Variants in PDE4B observed in about 807,000 individuals in gnomAD.
The protein encoded by PDE4B is 3',5'-cyclic-AMP phosphodiesterase 4B.
Under a neutral mutation model 82.2 loss-of-function variants are expected in PDE4B, and 20 were observed. That is an observed-to-expected ratio of 0.24 (90% CI 0.17 to 0.35). PDE4B has a LOEUF of 0.35. PDE4B is among the 10% of genes least tolerant of loss of function. The probability of loss-of-function intolerance (pLI) is 1.00; values close to 1 mark genes in which losing one functional copy is unlikely to be tolerated. For missense variants in PDE4B, 655 were observed against 907.2 expected, an observed-to-expected ratio of 0.72 and a Z score of 3.57; for synonymous variants, 320 against 318.9, an observed-to-expected ratio of 1.00 and a Z score of -0.04.
intron 3 of PDE4B, among the ~76,000 whole-genome samples, chr1:66,175,809 A>G (rs1184355404): frequency 6.6e-6 from 1 of 152,236 alleles, no homozygotes; most frequent in East Asian, 1.9e-4. Context: ...TCAGTCTTGT[A>G]TGAATCATCA....
intron 2 of PDE4B, among the ~76,000 whole-genome samples, chr1:65,914,741 C>G (rs1647140050): frequency 6.6e-6 from 1 of 152,046 alleles, no homozygotes. Context: ...TCATTGCATC[C>G]TTAGAATAAT....
At chr1:66,325,380 T>C (rs1248664843) in intron 7 of PDE4B, among the ~76,000 whole-genome samples, 2 of 152,208 alleles carry the variant, frequency 1.3e-5, no homozygotes, top group African/African-American at 4.8e-5. Flanking sequence ...TTCGCTACAA[T>C]GGACAATACC....
intron 3 of PDE4B, among the ~76,000 whole-genome samples, chr1:66,198,341 T>G (rs1189086011): frequency 6.6e-6 from 1 of 152,154 alleles, no homozygotes; most frequent in Non-Finnish European, 1.5e-5. Context: ...TAAAATATTT[T>G]TTCTATTTAT....
chr1:65,914,271 G>A lies in PDE4B; in HGVS notation c.42+915G>A, dbSNP rs188565512. 3.4e-3 allele frequency among the ~76,000 whole-genome samples: 525 copies of A among 152,288 alleles called. 4 individuals are homozygous for A. The highest frequency in any genetic ancestry group is 6.0e-3 in the Admixed American group (92 of 15,292). ...CATACCGTAGCAAAGCCTTTGGCAA[G>A]AATGCTAGAACTAATTCTCAGCTTC... On this transcript the variant is annotated intron_variant, in intron 2 of 16. Transcript: ENST00000341517.
chr1:66,015,420 G>C (rs1328095547), intron 3 of PDE4B, among the ~76,000 whole-genome samples: 1 of 152,066 alleles, frequency 6.6e-6, no homozygotes, highest in African/African-American at 2.4e-5. Context: ...AAATTCCAGA[G>C]CTTGGCTCTC....
intron 3 of PDE4B, among the ~76,000 whole-genome samples, chr1:66,086,766 G>A (rs939211722): frequency 6.6e-6 from 1 of 152,038 alleles, no homozygotes; most frequent in African/African-American, 2.4e-5. Flanking sequence ...AAACTTTAGG[G>A]CCCATATTAA....
intron 3 of PDE4B, among the ~76,000 whole-genome samples, chr1:66,173,559 G>A (rs1375604934): frequency 1.3e-5 from 2 of 152,150 alleles, no homozygotes. Context: ...ACTCTTATAT[G>A]GCAATTTGCA....
intron 3 of PDE4B, among the ~76,000 whole-genome samples, chr1:66,192,935 C>T (rs1570438575): frequency 6.6e-6 from 1 of 152,114 alleles, no homozygotes; most frequent in Non-Finnish European, 1.5e-5. Context: ...AAGGTACTTG[C>T]CCAAAGTCAC....
At chr1:65,854,714 CT>C (rs566298193) in intron 1 of PDE4B, among the ~76,000 whole-genome samples, 218 of 151,996 alleles carry the variant, frequency 1.4e-3, no homozygotes, top group African/African-American at 4.8e-3. Context: ...CTTGAGTTTG[CT>C]GAAATTCTTG....
chr1:66,126,414 C>T (rs757647765), intron 3 of PDE4B, among the ~76,000 whole-genome samples: 1 of 152,150 alleles, frequency 6.6e-6, no homozygotes, highest in Non-Finnish European at 1.5e-5. Context: ...TATGTACCCC[C>T]CTACACATTT....
intron 1 of PDE4B, among the ~76,000 whole-genome samples, chr1:65,836,937 G>A (rs948368207): frequency 1.3e-5 from 2 of 152,080 alleles, no homozygotes; most frequent in African/African-American, 2.4e-5. Flanking sequence ...AGTAAAACAC[G>A]CTGATTCTAA....
intron 1 of PDE4B, among the ~76,000 whole-genome samples, chr1:65,885,960 A>G (rs1390043435): frequency 6.6e-6 from 1 of 150,986 alleles, no homozygotes; most frequent in African/African-American, 2.4e-5. Context: ...GCCACTAGCC[A>G]TATGTGACTA....
chr1:65,845,276 G>A (rs2101363167), intron 1 of PDE4B, among the ~76,000 whole-genome samples: 1 of 152,236 alleles, frequency 6.6e-6, no homozygotes, highest in East Asian at 1.9e-4. Flanking sequence ...TACACTCATT[G>A]CAATATAAAC....
intron 3 of PDE4B, among the ~76,000 whole-genome samples, chr1:66,165,039 G>A (rs1323691957): frequency 1.3e-5 from 2 of 152,008 alleles, no homozygotes; most frequent in Non-Finnish European, 2.9e-5. Flanking sequence ...GGGATTACAG[G>A]GGTAAGCCAC....
intron 3 of PDE4B, among the ~76,000 whole-genome samples, chr1:66,018,757 G>A (rs1050273870): frequency 2.6e-5 from 4 of 152,034 alleles, no homozygotes; most frequent in Non-Finnish European, 4.4e-5. Flanking sequence ...AGTTAGTGGC[G>A]TATGCCTTTT....
chr1:66,298,475 G>A (rs1657665489), intron 7 of PDE4B, among the ~76,000 whole-genome samples: 1 of 152,154 alleles, frequency 6.6e-6, no homozygotes, highest in African/African-American at 2.4e-5. Context: ...ACATCTTTAA[G>A]TTGAACCTAT....
chr1:65,847,119 T>TG (rs1485519126), intron 1 of PDE4B, among the ~76,000 whole-genome samples: 1 of 152,234 alleles, frequency 6.6e-6, no homozygotes, highest in African/African-American at 2.4e-5. Flanking sequence ...TTATGATCAC[T>TG]GTTCTAGATA....
At chr1:66,082,850 C>G (rs979835836) in intron 3 of PDE4B, among the ~76,000 whole-genome samples, 2 of 151,750 alleles carry the variant, frequency 1.3e-5, no homozygotes, top group African/African-American at 4.8e-5. Flanking sequence ...CATCTGTGAA[C>G]AAGACAGAAA....
intron 1 of PDE4B, among the ~76,000 whole-genome samples, chr1:65,800,167 G>A (rs1208663939): frequency 6.6e-6 from 1 of 152,146 alleles, no homozygotes; most frequent in Non-Finnish European, 1.5e-5. Context: ...GAATGATAAT[G>A]ACTGAATTCA....
Sources: allele counts gnomAD v4.1 joint callset (sites outside exome capture counted in the v4.1 genomes callset), GRCh38; gene constraint gnomAD v4.1.1; transcripts MANE v1.5; gene names NCBI Gene and HGNC (gene_info 2026-07-23, HGNC 2026-07-21).